Variants in PEPD observed in about 807,000 individuals in gnomAD.
PEPD encodes the protein peptidase D, also known as xaa-Pro dipeptidase.
In PEPD, 53 loss-of-function variants were observed where a neutral mutation model predicts 60.7. The ratio of observed to expected loss-of-function variants is 0.87; its 90% confidence interval spans 0.70 to 1.10. The LOEUF is 1.10. Ranked by LOEUF, PEPD falls within the 50% of genes least tolerant of loss-of-function variation. PEPD has a pLI of 0.00. For synonymous variants in PEPD, 267 were observed against 284.1 expected (o/e 0.94, Z 0.60); for missense variants, 711 against 711.9 (o/e 1.00, Z 0.01).
At chr19:33,514,890 A>G (rs898350633) in intron 1 of PEPD, among the ~76,000 whole-genome samples, 2 of 151,716 alleles carry the variant, frequency 1.3e-5, no homozygotes, top group African/African-American at 4.8e-5. Flanking sequence ...CCTTCCCTTA[A>G]CGTTCGCACA....
intron 1 of PEPD, among the ~76,000 whole-genome samples, chr19:33,520,258 C>A (rs935911245): frequency 6.6e-6 from 1 of 152,094 alleles, no homozygotes; most frequent in Non-Finnish European, 1.5e-5. Context: ...AGAGAGACAG[C>A]ACACCCACAG....
At chr19:33,481,160 T>C (rs187927947) in intron 6 of PEPD, among the ~76,000 whole-genome samples, 1 of 152,270 alleles carries the variant, frequency 6.6e-6, no homozygotes, top group Admixed American at 6.5e-5. Context: ...CTACTGACTT[T>C]ACAGAAATAA....
At chr19:33,490,162 C>T (rs980376432) in intron 5 of PEPD, 105 bp from the exon 6 acceptor site, 10 of 777,764 alleles carry the variant, frequency 1.3e-5, no homozygotes, top group Admixed American at 2.0e-5. Flanking sequence ...GAACAGGATC[C>T]CCTCCTGCCT....
At chr19:33,393,606 C>G (rs983884947) in intron 12 of PEPD, among the ~76,000 whole-genome samples, 2 of 149,598 alleles carry the variant, frequency 1.3e-5, no homozygotes. Flanking sequence ...CTCAGAGCCT[C>G]TGTGTCACCT....
chr19:33,391,283 G>A lies in PEPD; in HGVS notation c.1152+12C>T, dbSNP rs774865650. 1.9e-6 allele frequency: 3 copies of A among 1,607,304 alleles called. No homozygotes were observed. In the South Asian group the frequency reaches 3.3e-5, roughly 18 times the overall value. ...ATGGGCAGGCCACTCCGCCTGCCAT[G>A]TCCACACTGACCTCTGGGTAGCCTC... is the stretch of plus-strand genomic sequence containing the variant. On this transcript the variant is annotated intron_variant, in intron 13 of 14. Coordinates refer to ENST00000244137, the MANE Select transcript of PEPD (RefSeq NM_000285.4).
intron 9 of PEPD, among the ~76,000 whole-genome samples, chr19:33,428,342 C>T (rs1969196042): frequency 6.6e-6 from 1 of 152,142 alleles, no homozygotes; most frequent in Admixed American, 6.5e-5. Context: ...TTCCAGGACC[C>T]ACAGCAACAC....
intron 12 of PEPD, among the ~76,000 whole-genome samples, chr19:33,393,942 CCT>C (rs890188361): frequency 8.5e-5 from 13 of 152,380 alleles, no homozygotes; most frequent in African/African-American, 3.1e-4. Context: ...AAAGCTGTCC[CCT>C]CTCAGAGGAG....
intron 11 of PEPD, among the ~76,000 whole-genome samples, chr19:33,407,011 G>T (rs1968643765): frequency 6.6e-6 from 1 of 152,180 alleles, no homozygotes; most frequent in South Asian, 2.1e-4. Context: ...AGACAACACT[G>T]CCCTCTTCTG....
At chr19:33,499,519 G>A (rs1970669090) in intron 4 of PEPD, among the ~76,000 whole-genome samples, 1 of 152,218 alleles carries the variant, frequency 6.6e-6, no homozygotes, top group South Asian at 2.1e-4. Flanking sequence ...GGCAGGGAAA[G>A]AGTGCAAGAG....
At position 33,442,297 on chromosome 19, in the gene PEPD, C is replaced by T. The variant is rs1969492948; in HGVS notation, c.671+20698G>A. 3.3e-5 allele frequency among the ~76,000 whole-genome samples: 5 copies of T among 152,004 alleles called. No homozygotes were observed. In the South Asian group the frequency reaches 1.0e-3, roughly 32 times the overall value. On this transcript the variant is annotated intron_variant, in intron 9 of 14. Coordinates refer to ENST00000244137, the MANE Select transcript of PEPD (RefSeq NM_000285.4). ...TGGGGGGCACCTGTAATCCCAGCTACTTGGGAGGCTGAGGCAGAAGAATTG... is the reference window on the plus strand; with the variant it reads ...TGGGGGGCACCTGTAATCCCAGCTATTTGGGAGGCTGAGGCAGAAGAATTG...
chr19:33,440,964 A>G (rs943336701), intron 9 of PEPD, among the ~76,000 whole-genome samples: 13 of 152,174 alleles, frequency 8.5e-5, no homozygotes, highest in African/African-American at 3.1e-4. Flanking sequence ...TGGGTGGTGC[A>G]TGATGGGCAC....
chr19:33,387,512 T>C, intron 14 of PEPD, 31 bp from the exon 15 acceptor site: 1 of 1,612,100 alleles, frequency 6.2e-7, no homozygotes, highest in East Asian at 2.2e-5. Flanking sequence ...CACATTATCA[T>C]AGAGCAGCCT....
intron 9 of PEPD, among the ~76,000 whole-genome samples, chr19:33,440,008 T>C (rs1419118742): frequency 6.6e-6 from 1 of 152,168 alleles, no homozygotes; most frequent in Non-Finnish European, 1.5e-5. Context: ...GTGAGCCAAG[T>C]GTCTGCCAGA....
intron 6 of PEPD, chr19:33,486,920 G>A (rs775251163): frequency 6.5e-6 from 1 of 152,754 alleles, no homozygotes; most frequent in Non-Finnish European, 1.5e-5. Flanking sequence ...TCTGTTAGAG[G>A]AGGAGGTCAA....
intron 9 of PEPD, among the ~76,000 whole-genome samples, chr19:33,435,051 C>A (rs752595614): frequency 1.3e-5 from 2 of 152,154 alleles, no homozygotes; most frequent in Admixed American, 6.5e-5. Context: ...CAGAGGAAGA[C>A]GAGGGATGGA....
chr19:33,433,763 T>C lies in PEPD; in HGVS notation c.672-20120A>G, dbSNP rs115365420. On this transcript the variant is annotated intron_variant, in intron 9 of 14. Transcript: ENST00000244137. ...AATAATTCTGCAAGTGCACAAATGG[T>C]CATTTTACCGTGTCGGTCTGTAGCT... Among the ~76,000 whole-genome samples, 573 of 152,354 alleles carry C rather than the reference T, an allele frequency of 3.8e-3. 8 individuals are homozygous for C. Among genetic ancestry groups the C allele is most frequent in the African/African-American group, 0.013 (545 of 41,576 alleles).
chr19:33,452,061 T>G (rs1251311755), intron 9 of PEPD, among the ~76,000 whole-genome samples: 2 of 152,200 alleles, frequency 1.3e-5, no homozygotes, highest in Non-Finnish European at 2.9e-5. Flanking sequence ...CACTTTCCAG[T>G]ATTCCATAAA....
intron 9 of PEPD, among the ~76,000 whole-genome samples, chr19:33,426,232 G>T (rs953997909): frequency 1.3e-5 from 2 of 152,170 alleles, no homozygotes; most frequent in African/African-American, 4.8e-5. Flanking sequence ...GTAGAGTGAG[G>T]ACAGAATCCC....
chr19:33,443,317 G>A (rs1006372269), intron 9 of PEPD, among the ~76,000 whole-genome samples: 3 of 152,320 alleles, frequency 2.0e-5, no homozygotes, highest in South Asian at 2.1e-4. Flanking sequence ...TTATTTATCC[G>A]TGTAGGAGTT....
Sources: gnomAD v4.1 joint callset for allele counts (sites outside exome capture counted in the v4.1 genomes callset) on GRCh38, gnomAD v4.1.1 for gene constraint, MANE v1.5 for transcripts, NCBI Gene and HGNC (gene_info 2026-07-23, HGNC 2026-07-21) for gene names.